Variants in GSE1 observed in about 807,000 individuals in gnomAD.
GSE1 encodes the protein genetic suppressor element 1.
In GSE1, 32 loss-of-function variants were observed where a neutral mutation model predicts 112.6. The ratio of observed to expected loss-of-function variants is 0.28; its 90% CI spans 0.21 to 0.38. The LOEUF (loss-of-function observed/expected upper bound fraction) is 0.38, where lower values mean the gene tolerates loss of function less well. Among genes scored for constraint, GSE1 ranks in the 10% least tolerant of loss-of-function variants. GSE1 has a pLI of 1.00. For missense variants in GSE1, 2,348 were observed against 1,699.2 expected (o/e 1.38, Z -6.71); for synonymous variants, 1,115 against 735.6 (o/e 1.52, Z -8.35).
At chr16:85,556,143 C>CGA in exon 1 of GSE1, 1 of 860,076 alleles carries the variant, frequency 1.2e-6, no homozygotes, top group Non-Finnish European at 1.4e-6. Flanking sequence ...TCTTGCGGGG[C>CGA]GGGGGGGGGA....
Position 85,354,124 on chromosome 16 carries a change from T to G in GSE1, c.2284-3339T>G, listed in dbSNP as rs1597467392. Among the ~76,000 whole-genome samples, 4 of 152,324 alleles carry G rather than the reference T, an allele frequency of 2.6e-5. No individual in the cohort carries two copies. The East Asian group carries it at 7.7e-4, about 29-fold the overall frequency. ...AGCCCGTGCGGATTTCCTCAGACCT[T>G]GGGGACCCCTCCCCTTCTCAAACTC... is the stretch of plus-strand genomic sequence containing the variant. On this transcript the variant is annotated intron_variant, in intron 1 of 2. Transcript: ENST00000637419.
At chr16:85,525,603 C>T (rs77877659) in intron 2 of GSE1, among the ~76,000 whole-genome samples, 2,309 of 152,322 alleles carry the variant, frequency 0.015, 43 homozygotes, top group African/African-American at 0.05. Flanking sequence ...TGCCTGAGGA[C>T]CAGTTAACGT....
chr16:85,622,612 C>T (rs546362450), intron 1 of GSE1, among the ~76,000 whole-genome samples: 10 of 152,158 alleles, frequency 6.6e-5, no homozygotes, highest in Non-Finnish European at 1.2e-4. Flanking sequence ...GGGTCTGGTC[C>T]GCCACTTTGA....
intron 9 of GSE1, chr16:85,662,420 G>C (rs1311971998): frequency 6.5e-6 from 1 of 153,348 alleles, no homozygotes; most frequent in Non-Finnish European, 1.4e-5. Context: ...CTCTTCAATA[G>C]AAGCTGGGGC....
intron 1 of GSE1, among the ~76,000 whole-genome samples, chr16:85,622,520 G>A (rs1377182791): frequency 1.3e-5 from 2 of 152,198 alleles, no homozygotes; most frequent in East Asian, 3.8e-4. Context: ...TCAAACACAC[G>A]CTCCCACAGG....
intron 1 of GSE1, among the ~76,000 whole-genome samples, chr16:85,337,015 C>T (rs1295048445): frequency 2.3e-5 from 2 of 86,892 alleles, no homozygotes; most frequent in African/African-American, 8.5e-5. Context: ...CACATATCCA[C>T]AGGCACATTT....
chr16:85,570,833 G>A (rs1017982562), intron 1 of GSE1, among the ~76,000 whole-genome samples: 4 of 152,238 alleles, frequency 2.6e-5, no homozygotes, highest in African/African-American at 4.8e-5. Flanking sequence ...GCCGGACGCC[G>A]GAGGAGGCAG....
At chr16:85,575,600 CG>C (rs1394220551) in intron 1 of GSE1, among the ~76,000 whole-genome samples, 1 of 151,972 alleles carries the variant, frequency 6.6e-6, no homozygotes, top group Non-Finnish European at 1.5e-5. Flanking sequence ...TCATGACGGG[CG>C]GGAGGGGCAT....
chr16:85,663,651 TG>T, intron 11 of GSE1, 37 bp downstream of exon 11: 1 of 1,585,282 alleles, frequency 6.3e-7, no homozygotes, highest in South Asian at 1.1e-5. Context: ...GGGGGCTCAC[TG>T]GGGTGGAAGT....
chr16:85,529,558 T>C (rs1426288395), intron 2 of GSE1, among the ~76,000 whole-genome samples: 4 of 152,208 alleles, frequency 2.6e-5, no homozygotes, highest in African/African-American at 9.6e-5. Flanking sequence ...GCCCCTGCTA[T>C]GCCGAGAGGG....
At chr16:85,328,650 T>A (rs571019585) in intron 1 of GSE1, among the ~76,000 whole-genome samples, 6 of 152,314 alleles carry the variant, frequency 3.9e-5, no homozygotes, top group Admixed American at 2.0e-4. Flanking sequence ...GCAGGTCCCT[T>A]TGTGGGCCCT....
At chr16:85,663,747 C>T (rs956104192) in intron 11 of GSE1, 133 bp downstream of exon 11, 11 of 880,596 alleles carry the variant, frequency 1.2e-5, no homozygotes, top group South Asian at 6.6e-5. Context: ...TTACTCCTCC[C>T]GGCTCCCGGG....
Position 85,672,214 on chromosome 16 carries a change from C to T in GSE1, c.3520-191C>T, listed in dbSNP as rs1044780143. The T allele has an allele frequency of 1.9e-5, 11 of 590,298 alleles. 1 individual carries two copies. Among genetic ancestry groups the T allele is most frequent in the Middle Eastern group, 9.0e-4 (2 of 2,212 alleles). The allele number at this position is 590,298 out of a possible 1,614,324, so 36.6% of individuals were successfully genotyped here. A position where few individuals can be genotyped will look rare whatever the true frequency, so the allele number is the denominator to read the frequency against. On this transcript the variant is annotated intron_variant, in intron 15 of 15. Coordinates refer to ENST00000253458, the MANE Select transcript of GSE1 (RefSeq NM_014615.5). ...TTCCCCATGTTGGCCAGGCTGGTCTCGAACTCCTGACGACAGGTGATCTGC... is the reference window on the plus strand; with the variant it reads ...TTCCCCATGTTGGCCAGGCTGGTCTTGAACTCCTGACGACAGGTGATCTGC...
intron 1 of GSE1, among the ~76,000 whole-genome samples, chr16:85,599,712 C>T (rs1203905909): frequency 6.6e-6 from 1 of 152,242 alleles, no homozygotes; most frequent in African/African-American, 2.4e-5. Context: ...ACCCTCTCTT[C>T]CTTTCTCTTT....
At chr16:85,615,552 C>G (rs558293507) in intron 1 of GSE1, among the ~76,000 whole-genome samples, 115 of 152,246 alleles carry the variant, frequency 7.6e-4, no homozygotes, top group African/African-American at 2.7e-3. Flanking sequence ...CGGGCCAGAG[C>G]TGGTGAGAGC....
At chr16:85,582,811 C>A (rs944038499) in intron 1 of GSE1, among the ~76,000 whole-genome samples, 1 of 152,196 alleles carries the variant, frequency 6.6e-6, no homozygotes, top group Non-Finnish European at 1.5e-5. Flanking sequence ...TGGTCGGCCG[C>A]CTTGTCATTT....
chr16:85,484,753 C>T (rs1220026137), intron 2 of GSE1, among the ~76,000 whole-genome samples: 1 of 152,252 alleles, frequency 6.6e-6, no homozygotes. Context: ...GAGTCCCTCT[C>T]AGCCACTCCA....
chr16:85,555,181 C>T (rs2045139395), upstream of GSE1: 1 of 985,424 alleles, frequency 1.0e-6, no homozygotes, highest in African/African-American at 1.7e-5. Flanking sequence ...GACAAATCTG[C>T]TGTCAGGCAG....
At chr16:85,255,727 T>C (rs543146344) in intron 1 of GSE1, among the ~76,000 whole-genome samples, 5 of 146,828 alleles carry the variant, frequency 3.4e-5, no homozygotes, top group African/African-American at 1.3e-4. Flanking sequence ...TTTCTTTCTT[T>C]CTTTTTTTTG....
Sources: gnomAD v4.1 joint callset for allele counts (sites outside exome capture counted in the v4.1 genomes callset) on GRCh38, gnomAD v4.1.1 for gene constraint, MANE v1.5 for transcripts, NCBI Gene and HGNC (gene_info 2026-07-23, HGNC 2026-07-21) for gene names.